The following CLASP1 variants were observed in gnomAD, a reference collection of about 807,000 sequenced individuals.
CLASP1 encodes cytoplasmic linker associated protein 1.
In CLASP1, 38 loss-of-function variants were observed where a neutral mutation model predicts 192.3. The observed-to-expected ratio is 0.20, with a 90% CI of 0.15 to 0.26. The LOEUF is 0.26. CLASP1 is among the 10% of genes least tolerant of loss of function. The pLI is 1.00. For synonymous variants in CLASP1, 691 were observed against 712.8 expected (o/e 0.97, Z 0.49); for missense variants, 1,433 against 1,932.5 (o/e 0.74, Z 4.85).
At chr2:121,348,828 C>T (rs994989510) in intron 37 of CLASP1, 110 bp from the exon 39 acceptor site, 113 of 996,614 alleles carry the variant, frequency 1.1e-4, no homozygotes, top group Admixed American at 3.1e-4. Flanking sequence ...CAATGTCAGA[C>T]GGCAGCCATT....
intron 8 of CLASP1, among the ~76,000 whole-genome samples, chr2:121,480,281 A>G (rs1443449830): frequency 6.6e-6 from 1 of 152,202 alleles, no homozygotes; most frequent in African/African-American, 2.4e-5. Context: ...CAGAAAGCCA[A>G]TTTCCACAGA....
chr2:121,447,456 G>A (rs1395517628), exon 19 of CLASP1: 1 of 1,557,770 alleles, frequency 6.4e-7, no homozygotes, highest in East Asian at 2.4e-5. Flanking sequence ...ATCACTTCGA[G>A]ATCGCTGGAG....
At chr2:121,590,139 T>C (rs1382286253) in intron 2 of CLASP1, among the ~76,000 whole-genome samples, 2 of 152,178 alleles carry the variant, frequency 1.3e-5, no homozygotes, top group African/African-American at 4.8e-5. Flanking sequence ...ACAGGTATCT[T>C]TGGCCCATTC....
chr2:121,428,589 C>T (rs772079306), intron 20 of CLASP1, among the ~76,000 whole-genome samples: 3 of 152,184 alleles, frequency 2.0e-5, no homozygotes, highest in Non-Finnish European at 4.4e-5. Flanking sequence ...CACTTCTGGG[C>T]TACACCTGCA....
intron 39 of CLASP1, 42 bp downstream of exon 40, chr2:121,346,996 G>A: frequency 8.0e-7 from 1 of 1,250,828 alleles, no homozygotes; most frequent in Non-Finnish European, 1.1e-6. Context: ...CAAGCTGGCA[G>A]AGCCCAGGTG....
intron 7 of CLASP1, among the ~76,000 whole-genome samples, chr2:121,506,070 TAAGAG>T (rs779997717): frequency 9.9e-5 from 15 of 152,210 alleles, no homozygotes; most frequent in Middle Eastern, 3.4e-3. Context: ...TCCAAAGAGA[TAAGAG>T]AAAATATTGT....
intron 1 of CLASP1, among the ~76,000 whole-genome samples, chr2:121,641,414 A>G (rs1240655677): frequency 1.3e-5 from 2 of 152,170 alleles, no homozygotes; most frequent in African/African-American, 4.8e-5. Flanking sequence ...CTAGCACACA[A>G]CTGTTTAAAG....
intron 8 of CLASP1, among the ~76,000 whole-genome samples, chr2:121,483,364 A>G (rs1234959793): frequency 1.3e-5 from 2 of 152,164 alleles, no homozygotes; most frequent in African/African-American, 4.8e-5. Context: ...CATTGTAGTG[A>G]AGGAAAAAAT....
chr2:121,530,986 T>G (rs572870823), intron 2 of CLASP1: 2 of 699,940 alleles, frequency 2.9e-6, no homozygotes, highest in African/African-American at 3.5e-5. Context: ...TTTTGCTTTA[T>G]TTTGGTGCAA....
At chr2:121,347,267 A>G in intron 38 of CLASP1, 113 bp from the exon 40 acceptor site, 1 of 717,542 alleles carries the variant, frequency 1.4e-6, no homozygotes, top group Non-Finnish European at 2.4e-6. Flanking sequence ...TGGACTTGTC[A>G]GTAACAACCA....
intron 2 of CLASP1, among the ~76,000 whole-genome samples, chr2:121,541,613 A>G (rs1226027050): frequency 6.6e-6 from 1 of 152,114 alleles, no homozygotes; most frequent in African/African-American, 2.4e-5. Flanking sequence ...ATATCGGATA[A>G]CTTCAAACGT....
At chr2:121,406,984 A>G (rs1438389293) in intron 25 of CLASP1, among the ~76,000 whole-genome samples, 1 of 152,156 alleles carries the variant, frequency 6.6e-6, no homozygotes, top group Non-Finnish European at 1.5e-5. Context: ...TTGGGGGGCA[A>G]AGGCAGCCAG....
rs145483684 is a variant in CLASP1 at position 121,342,168 on chromosome 2, C to G, written c.4531-1221G>C. 4.9e-3 allele frequency among the ~76,000 whole-genome samples: 748 copies of G among 151,730 alleles called. 9 individuals carry two copies. The highest frequency in any genetic ancestry group is 0.018 in the African/African-American group (725 of 41,376). ...ACAGGGTCTCACTCGGAGGCCCAGG[C>G]TGGAGTGCAGTGGCACAACCTCAGC... On this transcript the variant is annotated intron_variant, in intron 39 of 39. Coordinates refer to ENST00000263710, the Ensembl canonical transcript of CLASP1.
chr2:121,449,219 G>T, intron 16 of CLASP1, 99 bp from the exon 17 acceptor site: 1 of 1,059,778 alleles, frequency 9.4e-7, no homozygotes, highest in Non-Finnish European at 1.4e-6. Context: ...AGGACTGGAA[G>T]CCTCAGTTTA....
At chr2:121,604,230 T>A (rs893786556) in intron 2 of CLASP1, among the ~76,000 whole-genome samples, 2 of 152,212 alleles carry the variant, frequency 1.3e-5, no homozygotes, top group Non-Finnish European at 2.9e-5. Context: ...AAGAACAAAA[T>A]TGTAGTGACT....
intron 2 of CLASP1, among the ~76,000 whole-genome samples, chr2:121,601,472 ATGT>A (rs1326879548): frequency 6.6e-6 from 1 of 152,004 alleles, no homozygotes; most frequent in African/African-American, 2.4e-5. Context: ...GGGTTTCACC[ATGT>A]TGGCCAGGCT....
chr2:121,614,749 A>G (rs2106026759), intron 1 of CLASP1, among the ~76,000 whole-genome samples: 1 of 152,312 alleles, frequency 6.6e-6, no homozygotes, highest in East Asian at 1.9e-4. Context: ...AGAATATACT[A>G]AAGAAATAAC....
intron 6 of CLASP1, among the ~76,000 whole-genome samples, chr2:121,519,044 C>T (rs2094396318): frequency 6.6e-6 from 1 of 152,182 alleles, no homozygotes; most frequent in Admixed American, 6.5e-5. Context: ...ACCCAGGCAG[C>T]TACTTAGAAA....
At chr2:121,513,884 G>A (rs1274305634) in intron 7 of CLASP1, among the ~76,000 whole-genome samples, 1 of 152,156 alleles carries the variant, frequency 6.6e-6, no homozygotes, top group Non-Finnish European at 1.5e-5. Context: ...CCCTCTGCCT[G>A]GCACTTAACA....
Sources: gnomAD v4.1 joint callset for allele counts (sites outside exome capture counted in the v4.1 genomes callset) on GRCh38, gnomAD v4.1.1 for gene constraint, MANE v1.5 for transcripts, NCBI Gene and HGNC (gene_info 2026-07-23, HGNC 2026-07-21) for gene names.